The following CELSR1 variants were observed in gnomAD, a reference collection of about 807,000 sequenced individuals.
CELSR1 encodes the protein cadherin EGF LAG seven-pass G-type receptor 1.
CELSR1 carries 110 observed loss-of-function variants against 249.1 expected under a neutral mutation model. That is an observed-to-expected ratio of 0.44 (90% confidence interval 0.38 to 0.52). The LOEUF (loss-of-function observed/expected upper bound fraction) is 0.52. CELSR1 is among the 20% of genes least tolerant of loss of function. CELSR1 has a pLI of 0.00. For synonymous variants in CELSR1, 2,113 were observed against 1,900.0 expected (o/e 1.11, Z -2.92); for missense variants, 4,109 against 4,296.4 (o/e 0.96, Z 1.22).
intron 1 of CELSR1, among the ~76,000 whole-genome samples, chr22:46,510,453 CA>C (rs917929259): frequency 2.4e-4 from 37 of 152,110 alleles, no homozygotes; most frequent in African/African-American, 8.0e-4. Flanking sequence ...TGTCCCTGGA[CA>C]AAGGGACCGC....
chr22:46,389,820 G>C (rs1051068675), intron 17 of CELSR1, among the ~76,000 whole-genome samples: 1 of 152,058 alleles, frequency 6.6e-6, no homozygotes, highest in Non-Finnish European at 1.5e-5. Flanking sequence ...AGGGTGTGGT[G>C]GTGGGCACCT....
In CELSR1 at chr22:46,534,764, G is replaced by A. The variant is rs1007063230; in HGVS notation, c.2407C>T (p.Pro803Ser). 6.8e-6 allele frequency: 11 copies of A among 1,612,954 alleles called. No individual in the cohort carries two copies. Among genetic ancestry groups the A allele is most frequent in the Non-Finnish European group, 9.3e-6 (11 of 1,180,022 alleles). ...AGGGTAGCAATGGAGGTGCCCACAG[G>A]CCTGTCCTCACTGACACTCACTGTG... ...HYTVSVSEDRPVGTSIATLSA... is the reference protein window; with the variant it reads ...HYTVSVSEDRSVGTSIATLSA... The change falls in exon 1 of 35, where the codon CCT becomes TCT. Residue 803 changes from proline to serine, a missense_variant. This residue lies in a region of CELSR1 where 886 missense variants were observed against 896.5 expected (regional missense o/e 0.99). Coordinates refer to ENST00000674500, the MANE Select transcript of CELSR1 (RefSeq NM_001378328.1). This position sits in a 1 kb window ranked among gnomAD's most constrained non-coding sequence, Gnocchi z 9.7.
intron 14 of CELSR1, among the ~76,000 whole-genome samples, chr22:46,392,076 G>A (rs1348724313): frequency 4.6e-5 from 7 of 152,196 alleles, no homozygotes; most frequent in Admixed American, 3.9e-4. Context: ...CTCAACAGTG[G>A]GCACCTTCGT....
chr22:46,432,731 A>T (rs535613442), intron 5 of CELSR1, among the ~76,000 whole-genome samples: 75 of 152,288 alleles, frequency 4.9e-4, no homozygotes, highest in Non-Finnish European at 4.7e-4. Context: ...GATTTTGGCT[A>T]CAGAGCCGTG....
chr22:46,439,258 C>T lies in CELSR1; in HGVS notation c.4337G>A (p.Ser1446Asn), dbSNP rs774062354. Residue 1446 changes from serine to asparagine, a missense_variant, in exon 3 of 35, where the codon AGC becomes AAC. Ser to Asn is a conservative substitution (Grantham distance 46). This residue lies in a region of CELSR1 where 453 missense variants were observed against 492.0 expected (regional missense o/e 0.92). Coordinates refer to ENST00000674500, the MANE Select transcript of CELSR1 (RefSeq NM_001378328.1). The part of the protein sequence containing the change: ...ERPYCEVTTR[S>N]FPPQSFVTFR... ...GGTGACGAAGGACTGGGGCGGGAAG[C>T]TCCTGGTGGTCACCTCACAGTAGGG... The T allele has an allele frequency of 1.9e-6, 3 of 1,614,120 alleles. No homozygotes were observed. Among genetic ancestry groups the T allele is most frequent in the South Asian group, 1.1e-5 (1 of 91,084 alleles).
In CELSR1 at chr22:46,454,637, C is replaced by G. The variant is rs181607504; in HGVS notation, c.4183+9070G>C. Among the ~76,000 whole-genome samples, 132 of 152,382 alleles carry G rather than the reference C, an allele frequency of 8.7e-4. No homozygotes were observed. The highest frequency in any genetic ancestry group is 3.1e-3 in the African/African-American group (130 of 41,602). On this transcript the variant is annotated intron_variant, in intron 2 of 34. Transcript: ENST00000674500. The surrounding 1 kb of genome is among the most constrained non-coding windows in gnomAD (Gnocchi z 5.1). The stretch of plus-strand genomic sequence containing the variant: ...GTTCCTCACTGACTCACATTCCACA[C>G]CTAGTTCAGCTCGCCCACCTCCAAG...
At chr22:46,384,820 C>CT in intron 19 of CELSR1, 134 bp from the exon 20 acceptor site, 1 of 971,918 alleles carries the variant, frequency 1.0e-6, no homozygotes, top group Non-Finnish European at 1.4e-6. Flanking sequence ...GGTGGAGTCT[C>CT]GCAGTGTCTC....
At chr22:46,482,847 T>C (rs1050896603) in intron 1 of CELSR1, among the ~76,000 whole-genome samples, 2 of 152,126 alleles carry the variant, frequency 1.3e-5, no homozygotes, top group Non-Finnish European at 2.9e-5. Context: ...ACAAGCTCTA[T>C]CTGATGTCAA....
intron 2 of CELSR1, among the ~76,000 whole-genome samples, chr22:46,453,604 C>T (rs932975821): frequency 2.6e-5 from 4 of 152,154 alleles, no homozygotes; most frequent in South Asian, 4.1e-4. Flanking sequence ...AGGACAGAGG[C>T]GGCTTTGTCT....
At chr22:46,532,150 A>T (rs1309682446) in intron 1 of CELSR1, among the ~76,000 whole-genome samples, 2 of 152,224 alleles carry the variant, frequency 1.3e-5, no homozygotes, top group Non-Finnish European at 2.9e-5. Context: ...CCCAGCATGG[A>T]TCTGTTCCCA....
chr22:46,510,959 A>G (rs2080567278), intron 1 of CELSR1, among the ~76,000 whole-genome samples: 1 of 152,132 alleles, frequency 6.6e-6, no homozygotes, highest in African/African-American at 2.4e-5. Context: ...TACTAAAAAT[A>G]GAAAAATTCG....
At chr22:46,519,872 CTT>C (rs369906485) in intron 1 of CELSR1, among the ~76,000 whole-genome samples, 8 of 138,854 alleles carry the variant, frequency 5.8e-5, no homozygotes, top group Non-Finnish European at 7.8e-5. Context: ...ACCCCTATTG[CTT>C]TTTTTTTTTT....
intron 24 of CELSR1, among the ~76,000 whole-genome samples, chr22:46,373,514 T>C (rs896550687): frequency 6.7e-6 from 1 of 149,568 alleles, no homozygotes; most frequent in African/African-American, 2.5e-5. Flanking sequence ...CGCCCAGCGC[T>C]CTGGGAGGGG....
At position 46,434,511 on chromosome 22, in the gene CELSR1, C is replaced by G. The variant is rs1168853329; in HGVS notation, c.4523-1030G>C. Among the ~76,000 whole-genome samples, 1 of 152,242 alleles carries G rather than the reference C, an allele frequency of 6.6e-6. No individual in the cohort carries two copies. Among genetic ancestry groups the G allele is most frequent in the Non-Finnish European group, 1.5e-5 (1 of 68,040 alleles). Reference sequence around the variant, plus strand: ...ACAGAGCCCGGAGGGCTATGGCCACCTCTCCCATGGTGGTTGGCTGCTGTT... The same window carrying G: ...ACAGAGCCCGGAGGGCTATGGCCACGTCTCCCATGGTGGTTGGCTGCTGTT... On this transcript the variant is annotated intron_variant, in intron 4 of 34. Transcript: ENST00000674500. This position sits in a 1 kb window ranked among gnomAD's most constrained non-coding sequence, Gnocchi z 4.9.
Position 46,536,027 on chromosome 22 carries a change from A to G in CELSR1, c.1144T>C (p.Ser382Pro). 1 of 1,610,534 alleles carries G rather than the reference A, an allele frequency of 6.2e-7. No homozygotes were observed. Among genetic ancestry groups the G allele is most frequent in the Non-Finnish European group, 8.5e-7 (1 of 1,179,914 alleles). Residue 382 changes from serine to proline, a missense_variant, in exon 1 of 35, where the codon TCG becomes CCG. Coordinates refer to ENST00000674500, the MANE Select transcript of CELSR1 (RefSeq NM_001378328.1). ...VLTIRASDRDSPINANLRYRV... is the reference protein window; with the variant it reads ...VLTIRASDRDPPINANLRYRV... ...TAACGCAAGTTGGCGTTGATGGGCG[A>G]GTCGCGGTCGCTGGCGCGGATGGTC...
intron 1 of CELSR1, among the ~76,000 whole-genome samples, chr22:46,501,025 T>A (rs369457562): frequency 3.9e-4 from 56 of 145,418 alleles, no homozygotes; most frequent in Admixed American, 3.4e-3. Context: ...ATTTTATTTT[T>A]TATTTTATTT....
chr22:46,411,495 G>GGGGC lies in CELSR1; in HGVS notation c.4769+106_4769+107insGCCC. On this transcript the variant is annotated intron_variant, in intron 6 of 34. Coordinates refer to ENST00000674500, the MANE Select transcript of CELSR1 (RefSeq NM_001378328.1). The surrounding 1 kb of genome is among the most constrained non-coding windows in gnomAD (Gnocchi z 4.2). ...ACTCTAGCCTGGAATGAGGTCGCCA[G>GGGGC]GGCACTGCACCCAGAGTGCCTACGT... The GGGGC allele has an allele frequency of 7.6e-7, 1 of 1,319,148 alleles. No homozygotes were observed. Among genetic ancestry groups the GGGGC allele is most frequent in the Non-Finnish European group, 1.0e-6 (1 of 963,130 alleles). 81.7% of individuals were successfully genotyped at this position (1,319,148 alleles called of 1,614,324 possible).
rs746621407 is a variant in CELSR1, at chr22:46,535,330, C to T, written c.1841G>A (p.Gly614Asp). The change falls in exon 1 of 35, where the codon GGC (glycine) becomes GAC (aspartate). Residue 614 changes from glycine to aspartate, a missense_variant. Around this residue, in one of 7 missense-constraint regions of CELSR1, gnomAD observed 886 missense variants for 896.5 expected, o/e 0.99. Transcript: ENST00000674500. Reference sequence around the variant, plus strand: ...AGGATTCTTAGGCCCAGCGCTGCCGCCCCCCAGAAAGGTGGAGGCCGTGTC... The same window carrying T: ...AGGATTCTTAGGCCCAGCGCTGCCGTCCCCCAGAAAGGTGGAGGCCGTGTC... Reference protein sequence around the residue: ...LVDTASTFLGGGSAGPKNPAP... With the variant: ...LVDTASTFLGDGSAGPKNPAP... 1.9e-6 allele frequency: 3 copies of T among 1,612,048 alleles called. No individual in the cohort carries two copies. The highest frequency in any genetic ancestry group is 2.5e-6 in the Non-Finnish European group (3 of 1,179,954).
In CELSR1 at chr22:46,500,757, C is replaced by T. The variant is rs931414126; in HGVS notation, c.3544+32870G>A. The stretch of plus-strand genomic sequence containing the variant: ...TTGACTGCAGTTTCAGAATGAAGCT[C>T]ACCACCGTGTCCCCACAACTGGAGC... On this transcript the variant is annotated intron_variant, in intron 1 of 34. Coordinates refer to ENST00000674500, the MANE Select transcript of CELSR1 (RefSeq NM_001378328.1). This position sits in a 1 kb window ranked among gnomAD's most constrained non-coding sequence, Gnocchi z 4.9. Among the ~76,000 whole-genome samples the T allele has an allele frequency of 3.5e-4, 54 of 152,260 alleles. No individual in the cohort carries two copies. The highest frequency in any genetic ancestry group is 1.3e-3 in the African/African-American group (52 of 41,544).
Sources: allele counts gnomAD v4.1 joint callset (sites outside exome capture counted in the v4.1 genomes callset), GRCh38; gene constraint gnomAD v4.1.1; regional missense constraint gnomAD v4.1.1; non-coding constraint Gnocchi (gnomAD v3.1); transcripts MANE v1.5; gene names NCBI Gene and HGNC (gene_info 2026-07-23, HGNC 2026-07-21).